The following TMEM272 variants were observed in gnomAD, a reference collection of about 807,000 sequenced individuals.
TMEM272 encodes long intergenic non-protein coding RNA 282.
In TMEM272, 8 loss-of-function variants were observed where a neutral mutation model predicts 3.7. The observed-to-expected ratio is 2.17, with a 90% CI of 1.27 to 3.91. The LOEUF (loss-of-function observed/expected upper bound fraction) is 3.91. Ranked by LOEUF, TMEM272 falls within the 30% of genes most tolerant of loss-of-function variation. TMEM272 has a pLI of 0.00. For synonymous variants in TMEM272, 63 were observed against 39.8 expected (o/e 1.58, Z -2.20); for missense variants, 166 against 91.5 (o/e 1.81, Z -3.32).
chr13:51,827,620 C>T (rs1463344490), intron 2 of TMEM272, among the ~76,000 whole-genome samples: 1 of 152,102 alleles, frequency 6.6e-6, no homozygotes, highest in African/African-American at 2.4e-5. Context: ...TCTGCTGAGT[C>T]CTGTTGTCAT....
At chr13:51,838,437 T>A (rs777869208) in intron 2 of TMEM272, 36 bp downstream of exon 2, 1 of 703,012 alleles carries the variant, frequency 1.4e-6, no homozygotes, top group Non-Finnish European at 2.6e-6. Context: ...GTCTCAATCC[T>A]ACAAAACCAG....
the TMEM272 span, among the ~76,000 whole-genome samples, chr13:51,902,947 A>T: frequency 6.6e-6 from 1 of 152,248 alleles, no homozygotes; most frequent in Admixed American, 6.5e-5. Flanking sequence ...GCAATTCTTC[A>T]GGAAGCAGGT....
At chr13:51,898,338 T>C in the TMEM272 span, among the ~76,000 whole-genome samples, 1 of 151,978 alleles carries the variant, frequency 6.6e-6, no homozygotes, top group African/African-American at 2.4e-5. Flanking sequence ...CCTGACACAC[T>C]CCTGGTTAAG....
chr13:51,862,287 T>A, the TMEM272 span: 2 of 152,194 alleles, frequency 1.3e-5, no homozygotes, highest in African/African-American at 2.4e-5. Flanking sequence ...AGGTAATATA[T>A]AATATTTTCC....
At chr13:51,830,011 C>A (rs1956159776) in intron 2 of TMEM272, among the ~76,000 whole-genome samples, 1 of 152,196 alleles carries the variant, frequency 6.6e-6, no homozygotes, top group Non-Finnish European at 1.5e-5. Context: ...GAATTCTGTA[C>A]AAACAGATCT....
intron 3 of TMEM272, among the ~76,000 whole-genome samples, chr13:51,826,125 CTCAT>C (rs1328510791): frequency 7.5e-6 from 1 of 133,520 alleles, no homozygotes; most frequent in Non-Finnish European, 1.5e-5. Flanking sequence ...GAAATATTTA[CTCAT>C]TCATTCAGCA....
At chr13:51,865,941 A>G in the TMEM272 span, 18 of 1,613,964 alleles carry the variant, frequency 1.1e-5, no homozygotes, top group Middle Eastern at 1.6e-4. Context: ...TGGGAGGAAG[A>G]GAATGCCCTC....
At chr13:51,883,028 G>A in the TMEM272 span, among the ~76,000 whole-genome samples, 2 of 152,222 alleles carry the variant, frequency 1.3e-5, no homozygotes, top group Non-Finnish European at 2.9e-5. Context: ...TGGCTTCCTT[G>A]TTGGGCGCCA....
At chr13:51,930,270 C>T in the TMEM272 span, among the ~76,000 whole-genome samples, 1 of 152,114 alleles carries the variant, frequency 6.6e-6, no homozygotes, top group Non-Finnish European at 1.5e-5. Context: ...CATCTTAGCC[C>T]TTAGATGGTT....
the TMEM272 span, among the ~76,000 whole-genome samples, chr13:51,895,457 G>C: frequency 6.6e-6 from 1 of 152,188 alleles, no homozygotes; most frequent in Non-Finnish European, 1.5e-5. Context: ...CAGATTCTCT[G>C]TGCTTTAGGC....
intron 3 of TMEM272, 53 bp downstream of exon 3, chr13:51,826,513 C>A: frequency 2.8e-6 from 2 of 701,946 alleles, no homozygotes; most frequent in South Asian, 3.0e-5. Context: ...GCCTTGGGTC[C>A]ATGCCCCAAC....
At chr13:51,862,667 G>C in the TMEM272 span, among the ~76,000 whole-genome samples, 8 of 152,186 alleles carry the variant, frequency 5.3e-5, no homozygotes, top group African/African-American at 1.4e-4. Context: ...GCTTAGGAGA[G>C]ATGGCCTGGA....
chr13:51,873,894 G>C, the TMEM272 span, among the ~76,000 whole-genome samples: 2 of 152,190 alleles, frequency 1.3e-5, no homozygotes, highest in African/African-American at 4.8e-5. Flanking sequence ...TGGCTGCCCA[G>C]CACCTTTGGA....
chr13:51,827,310 G>A (rs1234665752), intron 2 of TMEM272, among the ~76,000 whole-genome samples: 1 of 152,152 alleles, frequency 6.6e-6, no homozygotes, highest in African/African-American at 2.4e-5. Context: ...TCACTCACTG[G>A]CCATGTGGCT....
rs1203079428 is a variant in TMEM272 at position 51,815,825 on chromosome 13, C to CTT, written c.*925_*926insAA. ...CTGGACTTCCAGACATCTCAATTTA[C>CTT]AAAAGGCTTCCAAAGCCTAACTGGT... On this transcript the variant is annotated 3_prime_UTR_variant, in exon 5 of 5. Coordinates refer to ENST00000629372, the MANE Select transcript of TMEM272 (RefSeq NM_001351003.2). 3 of 152,220 alleles carry CTT rather than the reference C, an allele frequency of 2.0e-5. No homozygotes were observed. The highest frequency in any genetic ancestry group is 4.8e-5 in the African/African-American group (2 of 41,460). The allele number at this position is 152,220 out of a possible 1,614,324, so 9.4% of individuals were successfully genotyped here. A position where few individuals can be genotyped will look rare whatever the true frequency, so the allele number is the denominator to read the frequency against.
the TMEM272 span, among the ~76,000 whole-genome samples, chr13:51,869,779 C>T: frequency 6.6e-6 from 1 of 152,138 alleles, no homozygotes; most frequent in Admixed American, 6.5e-5. Flanking sequence ...TAAGCCACCG[C>T]GCCTGGCCTC....
the TMEM272 span, among the ~76,000 whole-genome samples, chr13:51,917,310 TA>T: frequency 1.3e-5 from 2 of 151,930 alleles, no homozygotes; most frequent in African/African-American, 4.8e-5. Flanking sequence ...TAAGCCTGAG[TA>T]AAAGACTGGG....
the TMEM272 span, among the ~76,000 whole-genome samples, chr13:51,903,433 A>G: frequency 6.1e-3 from 924 of 152,300 alleles, 12 homozygotes; most frequent in African/African-American, 0.021. Context: ...TGGCACACCA[A>G]CGAGGTCAGG....
intron 2 of TMEM272, among the ~76,000 whole-genome samples, chr13:51,833,634 G>A (rs1041391524): frequency 2.0e-5 from 3 of 152,142 alleles, no homozygotes; most frequent in East Asian, 1.9e-4. Flanking sequence ...GAAAGAGGAG[G>A]GGCTTTAGGG....
Sources: gnomAD v4.1 joint callset for allele counts (sites outside exome capture counted in the v4.1 genomes callset) on GRCh38, gnomAD v4.1.1 for gene constraint, MANE v1.5 for transcripts, NCBI Gene and HGNC (gene_info 2026-07-23, HGNC 2026-07-21) for gene names.